LTBP4: variants seen among roughly 807,000 people sequenced by gnomAD.
LTBP4 encodes latent transforming growth factor beta binding protein 4, also known as latent-transforming growth factor beta-binding protein 4.
LTBP4 carries 93 observed loss-of-function variants against 180.2 expected under a neutral mutation model. The ratio of observed to expected loss-of-function variants is 0.52; its 90% CI spans 0.44 to 0.61. The LOEUF is 0.61. Ranked by LOEUF, LTBP4 falls within the 20% of genes least tolerant of loss-of-function variation. The probability of loss-of-function intolerance (pLI) is 0.00; values close to 1 mark genes in which losing one functional copy is unlikely to be tolerated. For missense variants in LTBP4, 2,116 were observed against 2,256.5 expected (o/e 0.94, Z 1.26); for synonymous variants, 947 against 934.5 (o/e 1.01, Z -0.24).
chr19:40,604,242 A>G (rs1176166273), intron 1 of LTBP4, among the ~76,000 whole-genome samples: 1 of 151,932 alleles, frequency 6.6e-6, no homozygotes, highest in Non-Finnish European at 1.5e-5. Flanking sequence ...TCCCGCGGGT[A>G]GAAGGTAATG....
chr19:40,614,572 G>C, intron 19 of LTBP4, 126 bp downstream of exon 19: 1 of 1,240,634 alleles, frequency 8.1e-7, no homozygotes, highest in South Asian at 1.5e-5. Context: ...CCCTCTCACC[G>C]TATCTCTGTA....
intron 18 of LTBP4, 52 bp downstream of exon 18, chr19:40,614,090 G>A: frequency 1.9e-6 from 3 of 1,599,124 alleles, no homozygotes; most frequent in Admixed American, 1.7e-5. Context: ...TCCCCGACTC[G>A]CCGATTGGCC....
chr19:40,623,172 TTC>T (rs1420688415), intron 24 of LTBP4, among the ~76,000 whole-genome samples, 151 bp downstream of exon 24: 1 of 114,960 alleles, frequency 8.7e-6, no homozygotes, highest in African/African-American at 4.3e-5. Context: ...TTTCTTTTCT[TTC>T]TTTTTTTTTT....
chr19:40,619,775 A>C (rs1169199391), intron 22 of LTBP4, among the ~76,000 whole-genome samples: 1 of 152,236 alleles, frequency 6.6e-6, no homozygotes, highest in African/African-American at 2.4e-5. Flanking sequence ...AGAAGGGATC[A>C]CTGTCTGTCC....
chr19:40,616,750 A>T, intron 19 of LTBP4, 139 bp from the exon 20 acceptor site: 1 of 1,061,512 alleles, frequency 9.4e-7, no homozygotes, highest in Non-Finnish European at 1.3e-6. Context: ...CAAAGTTTTC[A>T]ACATTGTTGA....
chr19:40,628,711 T>C (rs2081655173), intron 29 of LTBP4, among the ~76,000 whole-genome samples: 1 of 152,176 alleles, frequency 6.6e-6, no homozygotes, highest in Non-Finnish European at 1.5e-5. Context: ...CATGTGCAAA[T>C]GGAGGCACAT....
Position 40,613,179 on chromosome 19 carries a change from G to A in LTBP4, c.2414G>A (p.Arg805Gln). 6.4e-7 allele frequency: 1 copy of A among 1,571,686 alleles called. No homozygotes were observed. Among genetic ancestry groups the A allele is most frequent in the Non-Finnish European group, 8.6e-7 (1 of 1,158,910 alleles). ...CAPGYRAPSG[R>Q]PGPCADVNEC... is the part of the protein sequence containing the mutation. ...CCAGGCTACCGGGCGCCGTCGGGTC[G>A]GCCCGGGCCCTGCGCAGGTGAGCAG... Residue 805 changes from arginine to glutamine, a missense_variant, in exon 16 of 30, where the codon CGG (arginine) becomes CAG (glutamine). Arg to Gln is a conservative substitution (Grantham distance 43). Coordinates refer to ENST00000396819, the MANE Select transcript of LTBP4 (RefSeq NM_001042545.2). This position sits in a 1 kb window ranked among gnomAD's most constrained non-coding sequence, Gnocchi z 5.0.
In LTBP4 at chr19:40,612,095, C is replaced by T. The variant is rs1352021912; in HGVS notation, c.2202C>T (p.His734=). Residue 734 remains histidine (H), a synonymous_variant, in exon 15 of 30, where the codon CAC becomes CAT. Transcript: ENST00000396819. ...ECEDVDECEN[H]LACPGQECVN... ...CAGATGTGGATGAGTGTGAGAACCACCTCGCATGCCCTGGGCAGGAGTGTG... is the reference window on the plus strand; with the variant it reads ...CAGATGTGGATGAGTGTGAGAACCATCTCGCATGCCCTGGGCAGGAGTGTG... 1.2e-6 allele frequency: 2 copies of T among 1,613,568 alleles called. No individual in the cohort carries two copies. The highest frequency in any genetic ancestry group is 1.3e-5 in the African/African-American group (1 of 74,902).
Position 40,627,721 on chromosome 19 carries a change from C to A in LTBP4, c.4383C>A (p.Pro1461=). 6.3e-7 allele frequency: 1 copy of A among 1,596,352 alleles called. No individual in the cohort carries two copies. Among genetic ancestry groups the A allele is most frequent in the Admixed American group, 1.7e-5 (1 of 57,770 alleles). ...GGSYAGSLAE[P]YEELEAEECG... ...TTCCCACAGGTTCCCTGGCTGAGCCCTACGAGGAGCTGGAGGCGGAGGAGT... is the reference window on the plus strand; with the variant it reads ...TTCCCACAGGTTCCCTGGCTGAGCCATACGAGGAGCTGGAGGCGGAGGAGT... The change falls in exon 29 of 30, where the codon CCC becomes CCA. Residue 1461 remains proline, a synonymous_variant. Coordinates refer to ENST00000396819, the MANE Select transcript of LTBP4 (RefSeq NM_001042545.2).
At chr19:40,597,527 A>G (rs2081397650), upstream of LTBP4, 2 of 916,370 alleles carry the variant, frequency 2.2e-6, no homozygotes, top group East Asian at 3.3e-5. Context: ...GGCGCCCTCA[A>G]TTTGTAGGGG....
chr19:40,619,655 A>T lies in LTBP4; in HGVS notation c.3217+162A>T, dbSNP rs549890581. On this transcript the variant is annotated intron_variant, in intron 22 of 29. Coordinates refer to ENST00000396819, the MANE Select transcript of LTBP4 (RefSeq NM_001042545.2). The stretch of plus-strand genomic sequence containing the variant: ...ACATGGGTAGTGAGACTGTGTCAGG[A>T]GAATTAGACCCTGGTCCTGACTCTA... 5.3e-5 allele frequency among the ~76,000 whole-genome samples: 8 copies of T among 152,352 alleles called. No homozygotes were observed. The East Asian group carries it at 1.5e-3, about 29-fold the overall frequency.
Position 40,613,003 on chromosome 19 carries a change from A to G in LTBP4, c.2300-62A>G, listed in dbSNP as rs945065309. On this transcript the variant is annotated intron_variant, in intron 15 of 29. Coordinates refer to ENST00000396819, the MANE Select transcript of LTBP4 (RefSeq NM_001042545.2). This position sits in a 1 kb window ranked among gnomAD's most constrained non-coding sequence, Gnocchi z 5.0. ...CCACCTCCCCCAGACACCCTACTCCAAGGGGATTGGTCGGGTGTGTCCCGA... is the reference window on the plus strand; with the variant it reads ...CCACCTCCCCCAGACACCCTACTCCGAGGGGATTGGTCGGGTGTGTCCCGA... The G allele has an allele frequency of 5.8e-6, 9 of 1,547,422 alleles. No homozygotes were observed. Among genetic ancestry groups the G allele is most frequent in the Non-Finnish European group, 6.2e-6 (7 of 1,135,980 alleles).
upstream of LTBP4, chr19:40,599,643 C>T (rs574908913): frequency 1.5e-4 from 193 of 1,263,032 alleles, 1 homozygote; most frequent in South Asian, 2.3e-3. Flanking sequence ...CTTCCCCTCT[C>T]CCTCTCTCTC....
At chr19:40,620,690 C>G (rs145208226) in intron 22 of LTBP4, among the ~76,000 whole-genome samples, 1 of 142,480 alleles carries the variant, frequency 7.0e-6, no homozygotes, top group African/African-American at 2.6e-5. Flanking sequence ...GCAGGAAAAT[C>G]GCTTGAATCC....
At chr19:40,626,910 G>A (rs2081637367) in intron 27 of LTBP4, 65 bp from the exon 28 acceptor site, 5 of 1,480,166 alleles carry the variant, frequency 3.4e-6, no homozygotes, top group Admixed American at 2.3e-5. Context: ...TCCCAAGGGG[G>A]GTATGTGAGT....
intron 22 of LTBP4, among the ~76,000 whole-genome samples, chr19:40,621,857 C>T (rs1009243658): frequency 6.6e-6 from 1 of 152,186 alleles, no homozygotes; most frequent in African/African-American, 2.4e-5. Context: ...AAGCGATTCT[C>T]CTGCCTCAGC....
chr19:40,610,098 T>G, intron 11 of LTBP4: 1 of 568,508 alleles, frequency 1.8e-6, no homozygotes, highest in East Asian at 3.1e-5. Context: ...TATCGGGGCC[T>G]GGTCGCAACT....
At chr19:40,617,075 T>A in intron 20 of LTBP4, 25 bp from the exon 21 acceptor site, 1 of 1,613,838 alleles carries the variant, frequency 6.2e-7, no homozygotes, top group East Asian at 2.2e-5. Flanking sequence ...GGTCCAGAAA[T>A]GGCCTGACTG....
rs778675277 is a variant in LTBP4 at position 40,611,405 on chromosome 19, T to G, written c.2053+11T>G. On this transcript the variant is annotated intron_variant, in intron 13 of 29. Coordinates refer to ENST00000396819, the MANE Select transcript of LTBP4 (RefSeq NM_001042545.2). The surrounding 1 kb of genome is among the most constrained non-coding windows in gnomAD (Gnocchi z 4.4). ...GGGCCCCCTGCCAAGGTGAGGGTGCTGAGCCCAGCCCTACTCCATCACTGT... is the reference window on the plus strand; with the variant it reads ...GGGCCCCCTGCCAAGGTGAGGGTGCGGAGCCCAGCCCTACTCCATCACTGT... 1 of 1,600,242 alleles carries G rather than the reference T, an allele frequency of 6.2e-7. No individual in the cohort carries two copies.
Sources: gnomAD v4.1 joint callset for allele counts (sites outside exome capture counted in the v4.1 genomes callset) on GRCh38, gnomAD v4.1.1 for gene constraint, Gnocchi (gnomAD v3.1) non-coding constraint, MANE v1.5 for transcripts, NCBI Gene and HGNC (gene_info 2026-07-23, HGNC 2026-07-21) for gene names.